The following DSE variants were observed in gnomAD, a reference collection of about 807,000 sequenced individuals.
DSE encodes dermatan sulfate epimerase.
A neutral mutation model predicts 84.4 loss-of-function variants in DSE; 36 were observed. That is an observed-to-expected ratio of 0.43 (90% CI 0.33 to 0.56). DSE has a LOEUF of 0.56. Among genes scored for constraint, DSE ranks in the 20% least tolerant of loss-of-function variants. The pLI is 0.06. For missense variants in DSE, 862 were observed against 1,169.6 expected, an observed-to-expected ratio of 0.74 and a Z score of 3.84; for synonymous variants, 410 against 430.1, an observed-to-expected ratio of 0.95 and a Z score of 0.58.
At chr6:116,295,304 C>CT (rs1188543191) in intron 2 of DSE, among the ~76,000 whole-genome samples, 1 of 151,970 alleles carries the variant, frequency 6.6e-6, no homozygotes, top group East Asian at 1.9e-4. Context: ...GGAAGGAAGG[C>CT]TTGAATGTGG....
intron 2 of DSE, among the ~76,000 whole-genome samples, chr6:116,312,597 A>G (rs1210288085): frequency 6.6e-6 from 1 of 152,218 alleles, no homozygotes; most frequent in African/African-American, 2.4e-5. Flanking sequence ...CCCATAATAT[A>G]CTTAGCTCTG....
chr6:116,279,467 T>C (rs200330013), intron 2 of DSE: 3 of 1,612,970 alleles, frequency 1.9e-6, no homozygotes, highest in African/African-American at 2.7e-5. Flanking sequence ...ACGCCCTTTT[T>C]CAGGCTGCGG....
intron 2 of DSE, among the ~76,000 whole-genome samples, chr6:116,416,290 C>T (rs151098301): frequency 1.3e-5 from 2 of 151,482 alleles, no homozygotes; most frequent in Non-Finnish European, 2.9e-5. Flanking sequence ...GTAATGTATG[C>T]ACAGTTTCTT....
intron 2 of DSE, among the ~76,000 whole-genome samples, chr6:116,290,848 A>G (rs1774232352): frequency 6.6e-6 from 1 of 152,168 alleles, no homozygotes; most frequent in Non-Finnish European, 1.5e-5. Context: ...AACTTTTTCC[A>G]GCCAACCTCA....
chr6:116,395,684 C>A (rs546911307), intron 1 of DSE, among the ~76,000 whole-genome samples: 1 of 152,034 alleles, frequency 6.6e-6, no homozygotes, highest in Non-Finnish European at 1.5e-5. Flanking sequence ...AAAATAAGTA[C>A]GTAAAATTAA....
intron 2 of DSE, among the ~76,000 whole-genome samples, chr6:116,361,629 C>G (rs1202264642): frequency 6.6e-6 from 1 of 152,124 alleles, no homozygotes; most frequent in Non-Finnish European, 1.5e-5. Flanking sequence ...GTACTCCAGC[C>G]TGGGCAACAG....
chr6:116,337,064 TGTAA>T (rs1054390282), intron 2 of DSE, among the ~76,000 whole-genome samples: 1 of 152,196 alleles, frequency 6.6e-6, no homozygotes, highest in Non-Finnish European at 1.5e-5. Flanking sequence ...TCCCATGAGC[TGTAA>T]GTACATTTTA....
chr6:116,280,863 A>C (rs1173994090), intron 2 of DSE, among the ~76,000 whole-genome samples: 1 of 152,240 alleles, frequency 6.6e-6, no homozygotes, highest in Non-Finnish European at 1.5e-5. Context: ...TAGAAAACAA[A>C]CTTGCAAAGG....
chr6:116,349,880 G>T (rs535766563), intron 2 of DSE, among the ~76,000 whole-genome samples: 3 of 152,250 alleles, frequency 2.0e-5, no homozygotes, highest in African/African-American at 4.8e-5. Flanking sequence ...GTGCTAAAAT[G>T]ATTGTTTTTG....
At chr6:116,330,911 A>T (rs1776896985) in intron 2 of DSE, among the ~76,000 whole-genome samples, 1 of 152,216 alleles carries the variant, frequency 6.6e-6, no homozygotes, top group South Asian at 2.1e-4. Flanking sequence ...AGATAACCAT[A>T]CAACATGTAT....
At chr6:116,331,237 G>A (rs758650545) in intron 2 of DSE, among the ~76,000 whole-genome samples, 3 of 152,072 alleles carry the variant, frequency 2.0e-5, no homozygotes, top group Non-Finnish European at 4.4e-5. Context: ...TCATTCTCTT[G>A]CTGCTATGAT....
intron 2 of DSE, among the ~76,000 whole-genome samples, chr6:116,293,889 A>G (rs1224230035): frequency 6.6e-6 from 1 of 152,098 alleles, no homozygotes; most frequent in Non-Finnish European, 1.5e-5. Context: ...TCAAAAAGAA[A>G]TAAAAAGAGC....
chr6:116,361,278 G>A (rs957682377), intron 2 of DSE, among the ~76,000 whole-genome samples: 1 of 151,968 alleles, frequency 6.6e-6, no homozygotes, highest in African/African-American at 2.4e-5. Context: ...GCAGGCTGGT[G>A]TCAAACTCCT....
intron 1 of DSE, among the ~76,000 whole-genome samples, chr6:116,393,996 A>C (rs1583162856): frequency 6.6e-6 from 1 of 152,034 alleles, no homozygotes; most frequent in East Asian, 1.9e-4. Flanking sequence ...TCTTTGTGTA[A>C]GGATGGCAAA....
At chr6:116,419,581 A>T (rs1160585040) in intron 2 of DSE, among the ~76,000 whole-genome samples, 1 of 152,194 alleles carries the variant, frequency 6.6e-6, no homozygotes, top group Non-Finnish European at 1.5e-5. Context: ...ACGTGGACAG[A>T]GGTGTGGCAT....
chr6:116,409,507 C>G (rs1377786941), intron 2 of DSE, among the ~76,000 whole-genome samples: 1 of 152,148 alleles, frequency 6.6e-6, no homozygotes, highest in East Asian at 1.9e-4. Flanking sequence ...TCTCGATCTC[C>G]TGACCTCATG....
chr6:116,265,516 T>C (rs1195836093), intron 2 of DSE, among the ~76,000 whole-genome samples: 1 of 151,708 alleles, frequency 6.6e-6, no homozygotes, highest in South Asian at 2.1e-4. Context: ...ATGTGGGGAG[T>C]TGGTGTGAGC....
intron 2 of DSE, among the ~76,000 whole-genome samples, chr6:116,346,488 C>T (rs1397915371): frequency 6.6e-6 from 1 of 152,142 alleles, no homozygotes; most frequent in Non-Finnish European, 1.5e-5. Context: ...TAAACGTAAT[C>T]CAGCATATAA....
At position 116,418,055 on chromosome 6, in the gene DSE, AATGTAC is replaced by A. The variant is rs1782831409; in HGVS notation, c.417-8514_417-8509del. ...AAGAGAAAAATTACAAAGGGTAGTCAATGTACATGTGATTAGGCCAGCTAATCACAC... is the reference window on the plus strand; with the variant it reads ...AAGAGAAAAATTACAAAGGGTAGTCAATGTGATTAGGCCAGCTAATCACAC... On this transcript the variant is annotated intron_variant, in intron 2 of 5. Transcript: ENST00000644252. Among the ~76,000 whole-genome samples, 4 of 152,294 alleles carry A rather than the reference AATGTAC, an allele frequency of 2.6e-5. No individual in the cohort carries two copies. The South Asian group carries it at 8.3e-4, about 32-fold the overall frequency.
Sources: allele counts gnomAD v4.1 joint callset (sites outside exome capture counted in the v4.1 genomes callset), GRCh38; gene constraint gnomAD v4.1.1; transcripts MANE v1.5; gene names NCBI Gene and HGNC (gene_info 2026-07-23, HGNC 2026-07-21).